The following UGT1A8 variants were observed in gnomAD, a reference collection of about 807,000 sequenced individuals.
UGT1A8 encodes the protein UDP-glucuronosyltransferase 1A8.
In UGT1A8, 39 loss-of-function variants were observed where a neutral mutation model predicts 45.3. That is an observed-to-expected ratio of 0.86 (90% CI 0.67 to 1.12). The LOEUF is 1.12. UGT1A8 is among the 50% of genes most tolerant of loss of function. The pLI, the probability that UGT1A8 is intolerant of heterozygous loss-of-function variation, is 0.00. For missense variants in UGT1A8, 719 were observed against 664.9 expected (o/e 1.08, Z -0.90); for synonymous variants, 275 against 249.2 (o/e 1.10, Z -0.97).
At chr2:233,641,894 G>T (rs1360995716) in intron 1 of UGT1A8, among the ~76,000 whole-genome samples, 1 of 151,980 alleles carries the variant, frequency 6.6e-6, no homozygotes, top group African/African-American at 2.4e-5. Flanking sequence ...GAACTCCATT[G>T]TTTGTTATTT....
At chr2:233,730,917 C>G (rs760966477) in intron 1 of UGT1A8, among the ~76,000 whole-genome samples, 3 of 152,138 alleles carry the variant, frequency 2.0e-5, no homozygotes, top group Non-Finnish European at 4.4e-5. Flanking sequence ...ATTTCAGAGG[C>G]AGCTTTCATT....
intron 1 of UGT1A8, chr2:233,760,930 A>T: frequency 6.2e-7 from 1 of 1,614,176 alleles, no homozygotes; most frequent in East Asian, 2.2e-5. Context: ...GAACATGCTC[A>T]TTGCCTTTTC....
intron 1 of UGT1A8, among the ~76,000 whole-genome samples, chr2:233,701,689 A>C (rs2075646805): frequency 6.6e-6 from 1 of 152,184 alleles, no homozygotes; most frequent in African/African-American, 2.4e-5. Context: ...AATTAAGAAA[A>C]TCACTCAAAA....
At chr2:233,711,959 T>C (rs999056036) in intron 1 of UGT1A8, among the ~76,000 whole-genome samples, 2 of 152,220 alleles carry the variant, frequency 1.3e-5, no homozygotes, top group African/African-American at 4.8e-5. Context: ...ATTCTCCATT[T>C]TGAAATTTGA....
chr2:233,766,919 C>T, intron 1 of UGT1A8, 115 bp from the exon 2 acceptor site: 7 of 1,549,656 alleles, frequency 4.5e-6, no homozygotes, highest in Non-Finnish European at 6.1e-6. Context: ...CTATCTCAAA[C>T]ACGCATGCCT....
chr2:233,664,864 C>A (rs903921767), intron 1 of UGT1A8, among the ~76,000 whole-genome samples: 2 of 152,088 alleles, frequency 1.3e-5, no homozygotes, highest in Non-Finnish European at 2.9e-5. Context: ...TTCATGAATC[C>A]TTTTGTGCCA....
chr2:233,703,273 T>C (rs2075729887), intron 1 of UGT1A8, among the ~76,000 whole-genome samples: 1 of 152,226 alleles, frequency 6.6e-6, no homozygotes, highest in Non-Finnish European at 1.5e-5. Flanking sequence ...TTTCTGTTTC[T>C]GTAAGGTTGG....
intron 1 of UGT1A8, among the ~76,000 whole-genome samples, chr2:233,680,391 A>G (rs1243241395): frequency 6.6e-6 from 1 of 152,208 alleles, no homozygotes; most frequent in East Asian, 1.9e-4. Flanking sequence ...TGCAATAGCA[A>G]CAGGAGGTAG....
At position 233,671,776 on chromosome 2, in the gene UGT1A8, G is replaced by T. The variant is rs1229734909; in HGVS notation, c.855+53214G>T. The T allele has an allele frequency of 8.6e-6, 12 of 1,390,666 alleles. No homozygotes were observed. In the African/African-American group the frequency reaches 1.2e-4, roughly 14 times the overall value. The allele number at this position is 1,390,666 out of a possible 1,614,324, so 86.1% of individuals were successfully genotyped here. On this transcript the variant is annotated intron_variant, in intron 1 of 4. Transcript: ENST00000373450. Reference sequence around the variant, plus strand: ...CAGCAAAAGCTACTCATATATTCTTGTTCTTTTGGGTAAATCATTGTCAGT... The same window carrying T: ...CAGCAAAAGCTACTCATATATTCTTTTTCTTTTGGGTAAATCATTGTCAGT...
At position 233,701,149 on chromosome 2, in the gene UGT1A8, T is replaced by G. The variant is rs530857343; in HGVS notation, c.856-65885T>G. ...GGACATTTAGGTTGGTTCCAAGTCT[T>G]TGCTATTGTGAATAGTGCCGTTATA... On this transcript the variant is annotated intron_variant, in intron 1 of 4. Transcript: ENST00000373450. Among the ~76,000 whole-genome samples the G allele has an allele frequency of 9.2e-5, 14 of 152,334 alleles. No homozygotes were observed. The South Asian group carries it at 2.1e-3, about 23-fold the overall frequency.
chr2:233,762,377 A>G (rs182919265), intron 1 of UGT1A8, among the ~76,000 whole-genome samples: 1 of 152,252 alleles, frequency 6.6e-6, no homozygotes, highest in African/African-American at 2.4e-5. Context: ...ACCAATATGT[A>G]TATAGAAACA....
chr2:233,755,163 G>A (rs183842611), intron 1 of UGT1A8: 2 of 1,285,674 alleles, frequency 1.6e-6, no homozygotes, highest in African/African-American at 1.6e-5. Flanking sequence ...CCTGTCCTCG[G>A]GGTTTTTGTC....
At chr2:233,717,293 A>G (rs2076562605) in intron 1 of UGT1A8, among the ~76,000 whole-genome samples, 1 of 152,182 alleles carries the variant, frequency 6.6e-6, no homozygotes, top group Admixed American at 6.5e-5. Context: ...TTGCACCCAC[A>G]GCTGAGAATC....
At chr2:233,645,816 T>C (rs147897374) in intron 1 of UGT1A8, among the ~76,000 whole-genome samples, 32 of 152,276 alleles carry the variant, frequency 2.1e-4, no homozygotes, top group Non-Finnish European at 4.1e-4. Context: ...AGGTGCACAG[T>C]GCAAACTATT....
chr2:233,755,016 T>C (rs1695690750), intron 1 of UGT1A8: 1 of 1,296,724 alleles, frequency 7.7e-7, no homozygotes, highest in Non-Finnish European at 1.0e-6. Context: ...CTCGAAGGGG[T>C]CCTTGAAGGG....
intron 1 of UGT1A8, chr2:233,747,522 G>C: frequency 6.2e-7 from 1 of 1,606,796 alleles, no homozygotes; most frequent in South Asian, 1.1e-5. Context: ...CTTTGAAACA[G>C]AACATTTTCT....
chr2:233,771,112 C>T (rs1345932660), intron 4 of UGT1A8: 1 of 152,184 alleles, frequency 6.6e-6, no homozygotes. Flanking sequence ...CACTAAAGCA[C>T]AAGGGATCCG....
intron 1 of UGT1A8, among the ~76,000 whole-genome samples, chr2:233,748,306 G>A (rs1220013639): frequency 1.3e-5 from 2 of 151,694 alleles, no homozygotes; most frequent in Non-Finnish European, 2.9e-5. Context: ...TTTATCAAAG[G>A]ATGGACTAGG....
rs372427845 is a variant in UGT1A8 at position 233,617,835 on chromosome 2, C to A, written c.128C>A (p.Ser43Ter). The A allele has an allele frequency of 1.2e-6, 2 of 1,613,880 alleles. No individual in the cohort carries two copies. The highest frequency in any genetic ancestry group is 1.3e-5 in the African/African-American group (1 of 74,862). ...MDGSHWFTMQ[S>*]VVEKLILRGH... ...GGGAGTCACTGGTTCACCATGCAGT[C>A]GGTGGTGGAGAAACTTATCCTCAGG... Residue 43 changes from serine to a stop codon, truncating the protein, a stop_gained, in exon 1 of 5, where the codon TCG becomes TAG. Transcript: ENST00000373450. LOFTEE classifies it high-confidence loss of function.
Sources: allele counts gnomAD v4.1 joint callset (sites outside exome capture counted in the v4.1 genomes callset), GRCh38; gene constraint gnomAD v4.1.1; transcripts MANE v1.5; gene names NCBI Gene and HGNC (gene_info 2026-07-23, HGNC 2026-07-21).